The following QSER1 variants were observed in gnomAD, a reference collection of about 807,000 sequenced individuals.
QSER1 encodes glutamine and serine-rich protein 1.
In QSER1, 49 loss-of-function variants were observed where a neutral mutation model predicts 158.5. That is an observed-to-expected ratio of 0.31 (90% CI 0.25 to 0.39). QSER1 has a LOEUF of 0.39. Ranked by LOEUF, QSER1 falls within the 10% of genes least tolerant of loss-of-function variation. The pLI, the probability that QSER1 is intolerant of heterozygous loss-of-function variation, is 1.00. For missense variants in QSER1, 1,754 were observed against 2,010.3 expected (o/e 0.87, Z 2.44); for synonymous variants, 650 against 715.5 (o/e 0.91, Z 1.46).
Position 32,893,585 on chromosome 11 carries a change from C to T in QSER1, c.209+251C>T, listed in dbSNP as rs1290972758. Among the ~76,000 whole-genome samples the T allele has an allele frequency of 6.6e-6, 1 of 152,126 alleles. No individual in the cohort carries two copies. The highest frequency in any genetic ancestry group is 1.5e-5 in the Non-Finnish European group (1 of 68,022). On this transcript the variant is annotated intron_variant, in intron 1 of 12. Transcript: ENST00000650167. This position sits in a 1 kb window ranked among gnomAD's most constrained non-coding sequence, Gnocchi z 4.7. Reference sequence around the variant, plus strand: ...TAGCTGGGCGGGAGTCGTGGGGCTCCGTCACCTCTTGGGTCCTGGGCTCTC... The same window carrying T: ...TAGCTGGGCGGGAGTCGTGGGGCTCTGTCACCTCTTGGGTCCTGGGCTCTC...
At position 32,932,410 on chromosome 11, in the gene QSER1, G is replaced by C; in HGVS notation, c.1152G>C (p.Gln384His). Residue 384 changes from glutamine (Q) to histidine (H), a missense_variant, in exon 4 of 13, where the codon CAG becomes CAC. This residue lies in a region of QSER1 where 1,707 missense variants were observed against 1,919.6 expected (regional missense o/e 0.89). Transcript: ENST00000650167. ...SNGGLQQKTS[Q>H]VSVELAQSYS... ...GAGGATTACAACAGAAGACCTCCCA[G>C]GTCTCAGTGGAACTTGCTCAGTCTT... 1 of 1,612,852 alleles carries C rather than the reference G, an allele frequency of 6.2e-7. No individual in the cohort carries two copies. Among genetic ancestry groups the C allele is most frequent in the Non-Finnish European group, 8.5e-7 (1 of 1,179,984 alleles).
intron 1 of QSER1, among the ~76,000 whole-genome samples, chr11:32,908,389 T>C (rs1851720736): frequency 1.3e-5 from 2 of 152,212 alleles, no homozygotes; most frequent in Non-Finnish European, 2.9e-5. Context: ...AGTATTTTTC[T>C]TGGGCATCAG....
intron 1 of QSER1, among the ~76,000 whole-genome samples, chr11:32,922,291 G>A (rs1851908222): frequency 2.0e-5 from 3 of 152,052 alleles, no homozygotes; most frequent in Non-Finnish European, 4.4e-5. Flanking sequence ...GAAAGCCACC[G>A]GGTGGGAGAA....
chr11:32,958,193 A>T, intron 8 of QSER1, 107 bp downstream of exon 8: 1 of 892,282 alleles, frequency 1.1e-6, no homozygotes, highest in Non-Finnish European at 1.7e-6. Context: ...CAGGGAATTT[A>T]TCTACCTAAT....
At chr11:32,961,371 G>C (rs1852621447) in intron 8 of QSER1, among the ~76,000 whole-genome samples, 1 of 152,080 alleles carries the variant, frequency 6.6e-6, no homozygotes, top group Non-Finnish European at 1.5e-5. Flanking sequence ...TCTCATCCAT[G>C]CATGGTTTTA....
intron 1 of QSER1, among the ~76,000 whole-genome samples, chr11:32,916,780 CT>C (rs1851836087): frequency 1.3e-5 from 1 of 77,816 alleles, no homozygotes; most frequent in Non-Finnish European, 2.6e-5. Context: ...GGGCATGACT[CT>C]ATTTTTTTTT....
At position 32,976,352 on chromosome 11, in the gene QSER1, A is replaced by C; in HGVS notation, c.5473A>C (p.Lys1825Gln). ...CKDEISSVQK[K>Q]NEDLGQEEIV... ...TTTTTAGATTTCTTCGGTGCAGAAA[A>C]AAAATGAAGATTTAGGACAGGAGGA... is the stretch of plus-strand genomic sequence containing the variant. Residue 1825 changes from lysine to glutamine, a missense_variant, in exon 13 of 13, where the codon AAA becomes CAA. This residue lies in a region of QSER1 where 47 missense variants were observed against 90.7 expected (regional missense o/e 0.52). Coordinates refer to ENST00000650167, the MANE Select transcript of QSER1 (RefSeq NM_001076786.3). 6.3e-7 allele frequency: 1 copy of C among 1,587,916 alleles called. No homozygotes were observed. Among genetic ancestry groups the C allele is most frequent in the South Asian group, 1.2e-5 (1 of 85,074 alleles).
rs959764379 is a variant in QSER1 at position 32,973,255 on chromosome 11, C to A, written c.5206-142C>A. 1.1e-5 allele frequency: 9 copies of A among 810,678 alleles called. No individual in the cohort carries two copies. The African/African-American group carries it at 1.6e-4, about 14-fold the overall frequency. The allele number at this position is 810,678 out of a possible 1,614,324, so 50.2% of individuals were successfully genotyped here. ...ATCCCATCAGTACACACACACCTCT[C>A]TGCAAATAGGTGTTTGTGTGCACAC... is the stretch of plus-strand genomic sequence containing the variant. On this transcript the variant is annotated intron_variant, in intron 10 of 12. Transcript: ENST00000650167.
Position 32,934,786 on chromosome 11 carries a change from C to T in QSER1, c.3528C>T (p.Ala1176=). ...NPARSALALL[A]MAQSGDAVSV... ...CTAGGAGTGCACTTGCACTGTTGGCCATGGCCCAATCTGGGGATGCAGTCA... is the reference window on the plus strand; with the variant it reads ...CTAGGAGTGCACTTGCACTGTTGGCTATGGCCCAATCTGGGGATGCAGTCA... The change falls in exon 4 of 13, where the codon GCC becomes GCT. Residue 1176 remains alanine, a synonymous_variant. Coordinates refer to ENST00000650167, the MANE Select transcript of QSER1 (RefSeq NM_001076786.3). The T allele has an allele frequency of 6.2e-7, 1 of 1,614,018 alleles. No individual in the cohort carries two copies.
intron 4 of QSER1, among the ~76,000 whole-genome samples, chr11:32,941,228 TTA>T (rs1852227079): frequency 6.7e-6 from 1 of 150,036 alleles, no homozygotes; most frequent in Non-Finnish European, 1.5e-5. Context: ...ATTATTATTA[TTA>T]TTATTATTTT....
At chr11:32,906,383 A>C (rs1167971557) in intron 1 of QSER1, among the ~76,000 whole-genome samples, 1 of 152,124 alleles carries the variant, frequency 6.6e-6, no homozygotes, top group Non-Finnish European at 1.5e-5. Flanking sequence ...GATCGGCGCC[A>C]CTGCACTCCA....
chr11:32,957,882 A>G lies in QSER1; in HGVS notation c.4765A>G (p.Lys1589Glu), dbSNP rs1177018486. 1 of 1,613,988 alleles carries G rather than the reference A, an allele frequency of 6.2e-7. No homozygotes were observed. The highest frequency in any genetic ancestry group is 1.3e-5 in the African/African-American group (1 of 75,046). ...PSQTIRTVQAKPSSSSKTSDP... is the reference protein window; with the variant it reads ...PSQTIRTVQAEPSSSSKTSDP... ...ATAACATTGCAGAACTGTTCAAGCT[A>G]AGCCAAGTAGTAGCAGTAAAACTTC... Residue 1589 changes from lysine to glutamate, a missense_variant, in exon 8 of 13, where the codon AAG becomes GAG. Around this residue, in one of 2 missense-constraint regions of QSER1, gnomAD observed 1,707 missense variants for 1,919.6 expected, o/e 0.89. Transcript: ENST00000650167.
At chr11:32,964,506 C>T (rs1033333972) in intron 8 of QSER1, among the ~76,000 whole-genome samples, 3 of 151,774 alleles carry the variant, frequency 2.0e-5, no homozygotes, top group Admixed American at 6.6e-5. Context: ...TATCAGAGAC[C>T]ACCAAAAGGG....
intron 7 of QSER1, among the ~76,000 whole-genome samples, chr11:32,956,548 C>T (rs557163952): frequency 2.0e-5 from 3 of 152,124 alleles, no homozygotes; most frequent in South Asian, 2.1e-4. Context: ...CAAGTGTACA[C>T]AGTAGAATTA....
At position 32,954,064 on chromosome 11, in the gene QSER1, A is replaced by G. The variant is rs767089951; in HGVS notation, c.4385A>G (p.Asp1462Gly). 1.2e-6 allele frequency: 2 copies of G among 1,614,206 alleles called. No homozygotes were observed. The highest frequency in any genetic ancestry group is 1.6e-4 in the Middle Eastern group (1 of 6,062). ...LPSDQFAKGQ[D>G]TVAIEGFTDE... ...TCAGACCAGTTTGCAAAAGGACAGG[A>G]CACTGTTGCCATAGAAGGTTTTACA... The change falls in exon 5 of 13, where the codon GAC (aspartate) becomes GGC (glycine). Residue 1462 changes from aspartate (D) to glycine (G), a missense_variant. Transcript: ENST00000650167.
chr11:32,936,847 G>T (rs1852159873), intron 4 of QSER1, among the ~76,000 whole-genome samples: 1 of 152,078 alleles, frequency 6.6e-6, no homozygotes. Context: ...CGAGACAGCT[G>T]GTATCCAAAT....
chr11:32,927,533 G>A (rs969868691), intron 2 of QSER1, among the ~76,000 whole-genome samples: 1 of 151,938 alleles, frequency 6.6e-6, no homozygotes, highest in African/African-American at 2.4e-5. Context: ...TCAGCCTCCC[G>A]AGTAGCTGGG....
intron 1 of QSER1, among the ~76,000 whole-genome samples, chr11:32,925,796 G>A (rs933817370): frequency 6.6e-6 from 1 of 151,942 alleles, no homozygotes; most frequent in African/African-American, 2.4e-5. Flanking sequence ...CCAAAGTACT[G>A]GGATTACAGG....
intron 1 of QSER1, among the ~76,000 whole-genome samples, chr11:32,905,717 C>G (rs1282509270): frequency 6.6e-6 from 1 of 152,006 alleles, no homozygotes; most frequent in Non-Finnish European, 1.5e-5. Flanking sequence ...TTTAATAAGG[C>G]ATAGGAGTTG....
Sources: gnomAD v4.1 joint callset for allele counts (sites outside exome capture counted in the v4.1 genomes callset) on GRCh38, gnomAD v4.1.1 for gene constraint, gnomAD v4.1.1 regional missense constraint, Gnocchi (gnomAD v3.1) non-coding constraint, MANE v1.5 for transcripts, NCBI Gene and HGNC (gene_info 2026-07-23, HGNC 2026-07-21) for gene names.